SCMH1: variants seen among roughly 807,000 people sequenced by gnomAD.
SCMH1 encodes the protein Scm polycomb group protein homolog 1.
In SCMH1, 37 loss-of-function variants were observed where a neutral mutation model predicts 70.8. The observed-to-expected ratio is 0.52, with a 90% confidence interval of 0.40 to 0.69. The LOEUF (loss-of-function observed/expected upper bound fraction) is 0.69, where lower values mean the gene tolerates loss of function less well. Ranked by LOEUF, SCMH1 falls within the 30% of genes least tolerant of loss-of-function variation. SCMH1 has a pLI of 0.00. For synonymous variants in SCMH1, 292 were observed against 307.4 expected, an observed-to-expected ratio of 0.95 and a Z score of 0.52; for missense variants, 607 against 827.3, an observed-to-expected ratio of 0.73 and a Z score of 3.27.
chr1:41,161,009 T>C, intron 3 of SCMH1, 111 bp from the exon 4 acceptor site: 1 of 1,108,888 alleles, frequency 9.0e-7, no homozygotes, highest in Non-Finnish European at 1.3e-6. Context: ...CTAGTTCAGT[T>C]ATCTCATCCT....
intron 9 of SCMH1, among the ~76,000 whole-genome samples, chr1:41,073,276 T>A (rs1034056801): frequency 6.6e-6 from 1 of 152,208 alleles, no homozygotes. Context: ...GTTCCTTTTA[T>A]GTTGAGACAA....
chr1:41,038,107 G>A (rs561532436), intron 12 of SCMH1: 1 of 152,512 alleles, frequency 6.6e-6, no homozygotes, highest in Non-Finnish European at 1.5e-5. Context: ...TGAGAATCGG[G>A]TATAATCTGG....
intron 8 of SCMH1, among the ~76,000 whole-genome samples, chr1:41,084,422 A>G (rs1660963843): frequency 6.6e-6 from 1 of 152,220 alleles, no homozygotes; most frequent in Admixed American, 6.5e-5. Context: ...CAAAACCACA[A>G]TGAGATACCA....
At chr1:41,083,422 A>C (rs991809711) in intron 8 of SCMH1, among the ~76,000 whole-genome samples, 9 of 152,090 alleles carry the variant, frequency 5.9e-5, no homozygotes, top group Non-Finnish European at 1.3e-4. Context: ...TTACAAGGGA[A>C]GTGAAGGACC....
intron 10 of SCMH1, among the ~76,000 whole-genome samples, chr1:41,063,277 C>A (rs955154174): frequency 5.9e-5 from 9 of 151,940 alleles, no homozygotes; most frequent in Middle Eastern, 3.4e-3. Flanking sequence ...GTCGAGACCA[C>A]CCTGGCCAAC....
At chr1:41,149,320 G>A (rs1644859504) in intron 5 of SCMH1, among the ~76,000 whole-genome samples, 2 of 152,142 alleles carry the variant, frequency 1.3e-5, no homozygotes, top group South Asian at 4.1e-4. Flanking sequence ...CCAATCTAGT[G>A]TATTTTTCAT....
chr1:41,238,743 G>A (rs192641544), intron 1 of SCMH1, among the ~76,000 whole-genome samples: 4 of 152,252 alleles, frequency 2.6e-5, no homozygotes, highest in Non-Finnish European at 5.9e-5. Flanking sequence ...CTGTCACCTA[G>A]AACAGTCCCA....
intron 1 of SCMH1, among the ~76,000 whole-genome samples, chr1:41,231,331 A>G (rs1325989700): frequency 6.6e-6 from 1 of 152,252 alleles, no homozygotes; most frequent in African/African-American, 2.4e-5. Context: ...ATGAAGAAAT[A>G]TGTTTTAATT....
rs537429016 is a variant in SCMH1 at position 41,161,444 on chromosome 1, G to A, written c.14-12C>T. On this transcript the variant is annotated splice_polypyrimidine_tract_variant and intron_variant, in intron 2 of 14. Transcript: ENST00000337495. The stretch of plus-strand genomic sequence containing the variant: ...ACTCCAGTCTATCACTGCAGAGGGA[G>A]AGAAAAATAGTCATGTGGAAAGAAA... 1.2e-5 allele frequency: 19 copies of A among 1,540,518 alleles called. No homozygotes were observed. The African/African-American group carries it at 2.1e-4, about 17-fold the overall frequency.
At chr1:41,193,073 G>A (rs1572963799) in intron 1 of SCMH1, among the ~76,000 whole-genome samples, 1 of 152,200 alleles carries the variant, frequency 6.6e-6, no homozygotes, top group African/African-American at 2.4e-5. Flanking sequence ...AGATAGATTT[G>A]GCCTGTGGGC....
chr1:41,180,335 A>G (rs905894761), intron 2 of SCMH1, among the ~76,000 whole-genome samples: 1 of 152,200 alleles, frequency 6.6e-6, no homozygotes, highest in African/African-American at 2.4e-5. Flanking sequence ...TACCACTCCT[A>G]TTCAACATAG....
chr1:41,075,611 C>A (rs1658050370), intron 8 of SCMH1, among the ~76,000 whole-genome samples, 160 bp from the exon 9 acceptor site: 1 of 152,124 alleles, frequency 6.6e-6, no homozygotes, highest in East Asian at 1.9e-4. Context: ...CTGAAGAAGA[C>A]TGAATTTAGA....
intron 1 of SCMH1, among the ~76,000 whole-genome samples, chr1:41,238,882 T>C (rs1317470084): frequency 6.6e-6 from 1 of 152,190 alleles, no homozygotes; most frequent in Admixed American, 6.5e-5. Flanking sequence ...AGAATTGAAC[T>C]CATCATCGTT....
At chr1:41,204,820 T>C (rs1250486114) in intron 1 of SCMH1, among the ~76,000 whole-genome samples, 3 of 152,226 alleles carry the variant, frequency 2.0e-5, no homozygotes, top group African/African-American at 4.8e-5. Flanking sequence ...TTCAGCATTA[T>C]ATCCCAGCAC....
chr1:41,223,757 T>C (rs1280585863), intron 1 of SCMH1, among the ~76,000 whole-genome samples: 2 of 152,162 alleles, frequency 1.3e-5, no homozygotes, highest in Non-Finnish European at 2.9e-5. Context: ...CTTGCCAACT[T>C]TCAAAGACCT....
intron 2 of SCMH1, 89 bp downstream of exon 2, chr1:41,186,032 C>A: frequency 1.4e-6 from 2 of 1,420,110 alleles, no homozygotes; most frequent in South Asian, 1.3e-5. Context: ...AACGAGTAGT[C>A]TAATTATTCG....
chr1:41,040,818 C>T lies in SCMH1; in HGVS notation c.1499-3277G>A, dbSNP rs1454310959. ...GGTGGAGGTTGCAGTGAGCTGAGAT[C>T]GTGCCATTGCACTCCAGCCTGGGCA... On this transcript the variant is annotated intron_variant, in intron 12 of 14. Coordinates refer to ENST00000337495, the Ensembl canonical transcript of SCMH1. Among the ~76,000 whole-genome samples the T allele has an allele frequency of 2.0e-5, 3 of 151,984 alleles. No homozygotes were observed. In the East Asian group the frequency reaches 5.8e-4, roughly 29 times the overall value.
chr1:41,079,681 G>C (rs1659412972), intron 8 of SCMH1, among the ~76,000 whole-genome samples: 1 of 152,048 alleles, frequency 6.6e-6, no homozygotes, highest in South Asian at 2.1e-4. Context: ...GGGCAACACT[G>C]TGAGACCCCA....
chr1:41,215,508 C>T (rs1657898058), intron 1 of SCMH1, among the ~76,000 whole-genome samples: 2 of 152,092 alleles, frequency 1.3e-5, no homozygotes, highest in South Asian at 4.1e-4. Flanking sequence ...TGACAATCTT[C>T]TCTTTACCTT....
Sources: gnomAD v4.1 joint callset for allele counts (sites outside exome capture counted in the v4.1 genomes callset) on GRCh38, gnomAD v4.1.1 for gene constraint, MANE v1.5 for transcripts, NCBI Gene and HGNC (gene_info 2026-07-23, HGNC 2026-07-21) for gene names.